The following TMTC1 variants were observed in gnomAD, a reference collection of about 807,000 sequenced individuals.
TMTC1 encodes the protein protein O-mannosyl-transferase TMTC1.
TMTC1 carries 73 observed loss-of-function variants against 104.8 expected under a neutral mutation model. The observed-to-expected ratio is 0.70, with a 90% CI of 0.58 to 0.85. TMTC1 has a LOEUF of 0.85. Ranked by LOEUF, TMTC1 falls within the 40% of genes least tolerant of loss-of-function variation. The pLI is 0.00. For synonymous variants in TMTC1, 434 were observed against 428.7 expected, an observed-to-expected ratio of 1.01 and a Z score of -0.15; for missense variants, 1,035 against 1,096.1, an observed-to-expected ratio of 0.94 and a Z score of 0.79.
intron 5 of TMTC1, among the ~76,000 whole-genome samples, chr12:29,686,007 C>T (rs993994): frequency 0.2 from 30,680 of 151,714 alleles, 3,448 homozygotes; most frequent in East Asian, 0.3. Context: ...TATCCATTCC[C>T]ACACTCAACA....
chr12:29,594,324 CTGGGTAATCCACTATT>C (rs1946354346), intron 7 of TMTC1, among the ~76,000 whole-genome samples: 2 of 152,250 alleles, frequency 1.3e-5, no homozygotes, highest in Non-Finnish European at 1.5e-5. Context: ...CAAAGGCATA[CTGGGTAATCCACTATT>C]TGTTGCTGTC....
intron 9 of TMTC1, among the ~76,000 whole-genome samples, chr12:29,557,966 CA>C (rs1945288618): frequency 1.3e-5 from 2 of 151,774 alleles, no homozygotes; most frequent in Non-Finnish European, 2.9e-5. Flanking sequence ...CACTTAAAGA[CA>C]AAAAAACCCA....
intron 5 of TMTC1, among the ~76,000 whole-genome samples, chr12:29,702,385 A>G (rs372462839): frequency 5.0e-4 from 76 of 152,284 alleles, no homozygotes; most frequent in African/African-American, 1.6e-3. Flanking sequence ...AAGCTCACTC[A>G]TATGGTCACT....
At chr12:29,664,999 A>G (rs1420901421) in intron 5 of TMTC1, among the ~76,000 whole-genome samples, 1 of 152,186 alleles carries the variant, frequency 6.6e-6, no homozygotes, top group African/African-American at 2.4e-5. Flanking sequence ...AAATAAATCT[A>G]CCTGAGCTTT....
At chr12:29,533,714 A>G (rs1429111681) in intron 11 of TMTC1, 1 of 152,218 alleles carries the variant, frequency 6.6e-6, no homozygotes, top group Non-Finnish European at 1.5e-5. Flanking sequence ...TATTTAACTA[A>G]AACTATTATC....
chr12:29,576,636 G>C (rs1945831430), intron 8 of TMTC1, among the ~76,000 whole-genome samples: 1 of 152,074 alleles, frequency 6.6e-6, no homozygotes, highest in East Asian at 1.9e-4. Context: ...GCAAGGAGAG[G>C]AAATGAAGAG....
At chr12:29,717,893 G>C (rs1192885901) in intron 5 of TMTC1, among the ~76,000 whole-genome samples, 4 of 152,156 alleles carry the variant, frequency 2.6e-5, no homozygotes, top group African/African-American at 9.7e-5. Context: ...CTTTGAACTT[G>C]CATGTGATTT....
chr12:29,677,446 G>C (rs1011744318), intron 5 of TMTC1, among the ~76,000 whole-genome samples: 1 of 152,148 alleles, frequency 6.6e-6, no homozygotes. Flanking sequence ...TAATCCTACT[G>C]TATGAGCCAT....
chr12:29,761,681 T>C (rs1443112498), intron 2 of TMTC1, among the ~76,000 whole-genome samples: 2 of 151,784 alleles, frequency 1.3e-5, no homozygotes, highest in African/African-American at 4.8e-5. Flanking sequence ...AGCTGAATGA[T>C]GAGGAACAGC....
chr12:29,551,256 C>G (rs532204786), intron 10 of TMTC1, among the ~76,000 whole-genome samples: 1 of 152,124 alleles, frequency 6.6e-6, no homozygotes, highest in Admixed American at 6.5e-5. Flanking sequence ...TAGAGAAAAA[C>G]TACTATCTTG....
intron 9 of TMTC1, among the ~76,000 whole-genome samples, chr12:29,566,397 T>C (rs944046092): frequency 6.6e-6 from 1 of 152,144 alleles, no homozygotes; most frequent in Admixed American, 6.5e-5. Flanking sequence ...GGCCGCCCAC[T>C]TTCCCCGTAA....
At chr12:29,782,460 T>G (rs1054227329) in intron 1 of TMTC1, among the ~76,000 whole-genome samples, 4 of 84,038 alleles carry the variant, frequency 4.8e-5, no homozygotes, top group Non-Finnish European at 1.0e-4. Context: ...ATTACACCCG[T>G]TGCAAAAAGG....
chr12:29,519,377 G>C (rs1009298949), intron 12 of TMTC1: 7 of 152,182 alleles, frequency 4.6e-5, no homozygotes, highest in African/African-American at 1.7e-4. Flanking sequence ...CAACAGACTT[G>C]ATAAAGATCC....
intron 5 of TMTC1, among the ~76,000 whole-genome samples, chr12:29,679,550 C>T (rs1264544224): frequency 6.6e-6 from 1 of 152,048 alleles, no homozygotes; most frequent in Non-Finnish European, 1.5e-5. Flanking sequence ...ATTCTAATAG[C>T]ATTCCTCTAT....
intron 6 of TMTC1, among the ~76,000 whole-genome samples, chr12:29,616,072 A>G (rs1423949745): frequency 2.6e-5 from 4 of 152,202 alleles, no homozygotes; most frequent in Non-Finnish European, 4.4e-5. Flanking sequence ...TTGGAAACTC[A>G]CAAGGCTTAG....
At chr12:29,517,002 T>C (rs772665763) in intron 14 of TMTC1, among the ~76,000 whole-genome samples, 4 of 152,166 alleles carry the variant, frequency 2.6e-5, no homozygotes, top group Non-Finnish European at 4.4e-5. Flanking sequence ...GGGAATGATA[T>C]ATACAACTAA....
At chr12:29,649,255 G>A (rs943090937) in intron 5 of TMTC1, among the ~76,000 whole-genome samples, 13 of 152,270 alleles carry the variant, frequency 8.5e-5, no homozygotes, top group African/African-American at 2.6e-4. Context: ...GAAATTCCAC[G>A]TGGGATAGGA....
intron 11 of TMTC1, among the ~76,000 whole-genome samples, chr12:29,530,842 C>G (rs902982395): frequency 6.6e-6 from 1 of 152,202 alleles, no homozygotes; most frequent in South Asian, 2.1e-4. Context: ...GTAAGCTCAC[C>G]TCAGAGCCCT....
At chr12:29,669,571 C>G (rs191646194) in intron 5 of TMTC1, among the ~76,000 whole-genome samples, 1 of 152,112 alleles carries the variant, frequency 6.6e-6, no homozygotes, top group African/African-American at 2.4e-5. Context: ...GATGTAGAAA[C>G]AAATAAGAGG....
Sources: gnomAD v4.1 joint callset for allele counts (sites outside exome capture counted in the v4.1 genomes callset) on GRCh38, gnomAD v4.1.1 for gene constraint, MANE v1.5 for transcripts, NCBI Gene and HGNC (gene_info 2026-07-23, HGNC 2026-07-21) for gene names.